The following TENM1 variants were observed in gnomAD, a reference collection of about 807,000 sequenced individuals.
The protein encoded by TENM1 is teneurin transmembrane protein 1.
In TENM1, 35 loss-of-function variants were observed where a neutral mutation model predicts 174.8. The ratio of observed to expected loss-of-function variants is 0.20; its 90% CI spans 0.15 to 0.27. The LOEUF is 0.27. Ranked by LOEUF, TENM1 falls within the 10% of genes least tolerant of loss-of-function variation. The pLI, the probability that TENM1 is intolerant of heterozygous loss-of-function variation, is 1.00. For synonymous variants in TENM1, 781 were observed against 798.7 expected, an observed-to-expected ratio of 0.98 and a Z score of 0.37; for missense variants, 1,633 against 2,130.1, an observed-to-expected ratio of 0.77 and a Z score of 4.59.
At chrX:124,862,713 T>C (rs1399762427) in intron 3 of TENM1, among the ~76,000 whole-genome samples, 9 of 110,030 alleles carry the variant, frequency 8.2e-5, no homozygotes. Context: ...CTGCAACTCT[T>C]AGTTGAGTCC....
chrX:124,611,472 C>G (rs1183536093), intron 11 of TENM1, among the ~76,000 whole-genome samples: 1 of 111,442 alleles, frequency 9.0e-6, no homozygotes, highest in Non-Finnish European at 1.9e-5. Context: ...TAGGGAGATC[C>G]AAACCTACTT....
intron 11 of TENM1, among the ~76,000 whole-genome samples, chrX:124,626,957 C>G (rs1313143305): frequency 1.8e-5 from 2 of 112,454 alleles, no homozygotes; most frequent in East Asian, 5.5e-4. Flanking sequence ...GGACTATTGA[C>G]TAGGATTAGA....
At chrX:124,912,559 A>G (rs182344665) in intron 1 of TENM1, among the ~76,000 whole-genome samples, 3,034 of 110,225 alleles carry the variant, frequency 0.028, 99 homozygotes, top group African/African-American at 0.094. Flanking sequence ...CATGCACTTC[A>G]GAGATGGGGA....
At chrX:124,828,485 A>G (rs955800172) in intron 3 of TENM1, among the ~76,000 whole-genome samples, 6 of 112,289 alleles carry the variant, frequency 5.3e-5, no homozygotes, top group Non-Finnish European at 9.4e-5. Context: ...CTGAGAAGAT[A>G]ATTTCATGTA....
At chrX:124,442,775 A>G (rs772360053) in intron 23 of TENM1, among the ~76,000 whole-genome samples, 6 of 110,585 alleles carry the variant, frequency 5.4e-5, no homozygotes, top group Non-Finnish European at 1.1e-4. Flanking sequence ...GATCCTCCCA[A>G]CTTAGCCTCC....
the TENM1 span, among the ~76,000 whole-genome samples, chrX:125,033,065 C>T: frequency 2.5e-4 from 28 of 111,017 alleles, no homozygotes; most frequent in Middle Eastern, 4.6e-3. Context: ...ATGCTACTGA[C>T]ATTTATTGTA....
intron 18 of TENM1, among the ~76,000 whole-genome samples, chrX:124,518,269 A>C (rs1308017248): frequency 9.0e-6 from 1 of 110,696 alleles, no homozygotes; most frequent in Non-Finnish European, 1.9e-5. Context: ...TACAGTCTCT[A>C]GATGGTGCCA....
intron 16 of TENM1, among the ~76,000 whole-genome samples, chrX:124,529,263 T>C (rs756511408): frequency 8.9e-6 from 1 of 111,863 alleles, no homozygotes; most frequent in Non-Finnish European, 1.9e-5. Flanking sequence ...TGTGAGCAAA[T>C]CCTTTTCCAG....
At chrX:124,899,767 C>T (rs2057626093) in intron 1 of TENM1, among the ~76,000 whole-genome samples, 1 of 111,809 alleles carries the variant, frequency 8.9e-6, no homozygotes, top group African/African-American at 3.3e-5. Flanking sequence ...CACTTCACAA[C>T]AAACAATAGA....
chrX:124,576,524 C>T (rs1447962080), intron 11 of TENM1, among the ~76,000 whole-genome samples: 6 of 112,053 alleles, frequency 5.4e-5, no homozygotes, highest in Non-Finnish European at 5.6e-5. Context: ...AAAGGGCAAG[C>T]TTAACTGCCT....
At chrX:124,764,028 A>C (rs1476707892) in intron 3 of TENM1, among the ~76,000 whole-genome samples, 1 of 112,401 alleles carries the variant, frequency 8.9e-6, no homozygotes, top group Non-Finnish European at 1.9e-5. Flanking sequence ...AAAGAAATTT[A>C]TGTTTAAAGC....
chrX:125,108,594 G>C, the TENM1 span, among the ~76,000 whole-genome samples: 1 of 109,253 alleles, frequency 9.2e-6, no homozygotes, highest in Non-Finnish European at 1.9e-5. Context: ...GGTCGTACCT[G>C]GCTGAGGCAC....
intron 3 of TENM1, among the ~76,000 whole-genome samples, chrX:124,754,047 A>T (rs1287092079): frequency 9.0e-6 from 1 of 111,660 alleles, no homozygotes; most frequent in Non-Finnish European, 1.9e-5. Context: ...TGATTGGAAT[A>T]GTTTCAGAAG....
upstream of TENM1, among the ~76,000 whole-genome samples, chrX:124,967,431 G>T (rs143399566): frequency 0.033 from 3,698 of 111,095 alleles, 106 homozygotes; most frequent in African/African-American, 0.098. Flanking sequence ...AGCTTCCCCG[G>T]TCCATCCCAT....
intron 28 of TENM1, among the ~76,000 whole-genome samples, chrX:124,389,270 G>C (rs1481082179): frequency 1.8e-5 from 2 of 112,664 alleles, no homozygotes; most frequent in Non-Finnish European, 3.7e-5. Flanking sequence ...ATCTGCTGCT[G>C]CTTTTTAATA....
the TENM1 span, among the ~76,000 whole-genome samples, chrX:125,161,817 G>A: frequency 0.5 from 55,402 of 110,745 alleles, 10,596 homozygotes; most frequent in African/African-American, 0.65. Flanking sequence ...AAGCTAATTT[G>A]AATAAAGAAA....
At chrX:125,014,709 G>T in the TENM1 span, among the ~76,000 whole-genome samples, 4 of 111,428 alleles carry the variant, frequency 3.6e-5, no homozygotes, top group Admixed American at 2.9e-4. Context: ...CTGATTCTCA[G>T]TTGGGGGCCT....
chrX:125,173,404 C>G, the TENM1 span, among the ~76,000 whole-genome samples: 1 of 111,404 alleles, frequency 9.0e-6, no homozygotes, highest in Non-Finnish European at 1.9e-5. Flanking sequence ...TCTTTTGGGA[C>G]AGCACAGTTG....
At chrX:124,993,134 G>A in the TENM1 span, among the ~76,000 whole-genome samples, 1 of 111,087 alleles carries the variant, frequency 9.0e-6, no homozygotes, top group Non-Finnish European at 1.9e-5. Flanking sequence ...TATAGCATGG[G>A]AGAGAAGGTA....
Sources: gnomAD v4.1 joint callset for allele counts (sites outside exome capture counted in the v4.1 genomes callset) on GRCh38, gnomAD v4.1.1 for gene constraint, MANE v1.5 for transcripts, NCBI Gene and HGNC (gene_info 2026-07-23, HGNC 2026-07-21) for gene names.